The following SPAG16 variants were observed in gnomAD, a reference collection of about 807,000 sequenced individuals.
The protein encoded by SPAG16 is sperm-associated antigen 16 protein.
In SPAG16, 86 loss-of-function variants were observed where a neutral mutation model predicts 80.4. The ratio of observed to expected loss-of-function variants is 1.07; its 90% CI spans 0.90 to 1.28. The LOEUF is 1.28. Ranked by LOEUF, SPAG16 falls within the 50% of genes most tolerant of loss-of-function variation. The pLI is 0.00. For synonymous variants in SPAG16, 294 were observed against 265.9 expected, an observed-to-expected ratio of 1.11 and a Z score of -1.03; for missense variants, 870 against 765.3, an observed-to-expected ratio of 1.14 and a Z score of -1.61.
chr2:213,465,586 A>C (rs1331833711), intron 9 of SPAG16, among the ~76,000 whole-genome samples: 1 of 152,190 alleles, frequency 6.6e-6, no homozygotes, highest in Admixed American at 6.5e-5. Flanking sequence ...CTCCAATAGC[A>C]GAGCTTGATA....
At chr2:213,331,050 C>T (rs1468463748) in intron 5 of SPAG16, among the ~76,000 whole-genome samples, 2 of 152,200 alleles carry the variant, frequency 1.3e-5, no homozygotes, top group Non-Finnish European at 2.9e-5. Context: ...TCAAGTATGT[C>T]TATGCACAGT....
rs150697449 is a variant in SPAG16 at position 214,045,558 on chromosome 2, C to T, written c.1527+31481C>T. Among the ~76,000 whole-genome samples the T allele has an allele frequency of 2.1e-3, 319 of 152,228 alleles. 1 individual carries two copies. The highest frequency in any genetic ancestry group is 7.3e-3 in the African/African-American group (303 of 41,560). ...CTTTCACCTTAGATATCACCTCATC[C>T]CTGGGGGTTAGAGCACCAAGCAGGC... is the stretch of plus-strand genomic sequence containing the variant. On this transcript the variant is annotated intron_variant, in intron 13 of 15. Coordinates refer to ENST00000331683, the MANE Select transcript of SPAG16 (RefSeq NM_024532.5).
chr2:213,391,856 T>G (rs926997143), intron 9 of SPAG16, among the ~76,000 whole-genome samples: 8 of 152,222 alleles, frequency 5.3e-5, no homozygotes, highest in Admixed American at 6.5e-5. Context: ...GAGTATAGTT[T>G]CCCTGTTTCA....
At chr2:213,326,374 T>C (rs754600258) in intron 5 of SPAG16, among the ~76,000 whole-genome samples, 10 of 152,026 alleles carry the variant, frequency 6.6e-5, no homozygotes, top group Non-Finnish European at 1.0e-4. Context: ...TTTAGTTTTA[T>C]GACTTTCAGA....
Position 213,869,291 on chromosome 2 carries a change from A to ATATATATATATGTG in SPAG16, c.1214+6664_1214+6665insATATATATATGTGT, listed in dbSNP as rs1449042675. ...TATATATATATATATGTATATATAT[A>ATATATATATATGTG]TGTATATATATATATAATATGTATA... On this transcript the variant is annotated intron_variant, in intron 11 of 15. Coordinates refer to ENST00000331683, the MANE Select transcript of SPAG16 (RefSeq NM_024532.5). Among the ~76,000 whole-genome samples the ATATATATATATGTG allele has an allele frequency of 1.7e-4, 21 of 123,252 alleles. No individual in the cohort carries two copies. The South Asian group carries it at 2.1e-3, about 12-fold the overall frequency. The allele number at this position is 123,252 out of a possible 152,430, so 80.9% of individuals were successfully genotyped here. A position where few individuals can be genotyped will look rare whatever the true frequency, so the allele number is the denominator to read the frequency against.
intron 11 of SPAG16, among the ~76,000 whole-genome samples, chr2:213,907,829 A>G (rs1355983335): frequency 1.3e-5 from 2 of 152,200 alleles, no homozygotes; most frequent in African/African-American, 2.4e-5. Context: ...AACGTTGAGC[A>G]CATAGAAATA....
chr2:213,795,396 G>C (rs2070960376), intron 10 of SPAG16, among the ~76,000 whole-genome samples: 1 of 152,268 alleles, frequency 6.6e-6, no homozygotes, highest in South Asian at 2.1e-4. Context: ...ACACTTTTAT[G>C]TCTTCCCATC....
intron 15 of SPAG16, among the ~76,000 whole-genome samples, chr2:214,406,686 A>G (rs192848175): frequency 6.6e-6 from 1 of 152,136 alleles, no homozygotes; most frequent in Non-Finnish European, 1.5e-5. Context: ...ATTAGATTGA[A>G]TCATTTAATA....
chr2:213,880,131 G>A (rs2076289229), intron 11 of SPAG16, among the ~76,000 whole-genome samples: 1 of 152,078 alleles, frequency 6.6e-6, no homozygotes, highest in African/African-American at 2.4e-5. Context: ...CCACAACCTA[G>A]CAATAGCTGT....
intron 10 of SPAG16, among the ~76,000 whole-genome samples, chr2:213,752,773 G>A (rs1026335750): frequency 1.3e-5 from 2 of 152,144 alleles, no homozygotes; most frequent in South Asian, 4.1e-4. Flanking sequence ...CTTTTCCGGT[G>A]TGGTGGGGGA....
At chr2:213,488,099 G>A (rs758573477) in intron 9 of SPAG16, among the ~76,000 whole-genome samples, 1 of 152,062 alleles carries the variant, frequency 6.6e-6, no homozygotes, top group Non-Finnish European at 1.5e-5. Context: ...TAGAATGTAA[G>A]CTCCATAAGG....
At chr2:213,944,821 A>G (rs1013187912) in intron 12 of SPAG16, among the ~76,000 whole-genome samples, 2 of 152,064 alleles carry the variant, frequency 1.3e-5, no homozygotes, top group Admixed American at 1.3e-4. Context: ...CTTGAATGGG[A>G]GTTGTGCCTT....
At chr2:213,834,183 GCT>G (rs2073956000) in intron 10 of SPAG16, among the ~76,000 whole-genome samples, 1 of 152,138 alleles carries the variant, frequency 6.6e-6, no homozygotes, top group Non-Finnish European at 1.5e-5. Flanking sequence ...GCCATGTGCA[GCT>G]GTAAGTCCAA....
intron 9 of SPAG16, among the ~76,000 whole-genome samples, chr2:213,400,562 A>G (rs2068257406): frequency 1.3e-5 from 2 of 152,216 alleles, no homozygotes; most frequent in Admixed American, 1.3e-4. Flanking sequence ...GCTATGGCAG[A>G]GATTTCTAGT....
chr2:213,369,110 A>G (rs2066491761), intron 8 of SPAG16, among the ~76,000 whole-genome samples: 1 of 152,214 alleles, frequency 6.6e-6, no homozygotes, highest in South Asian at 2.1e-4. Context: ...AGAATTGTGT[A>G]TCCAATAAAA....
intron 15 of SPAG16, chr2:214,238,030 C>A: frequency 3.9e-6 from 1 of 259,120 alleles, no homozygotes; most frequent in Non-Finnish European, 7.7e-6. Flanking sequence ...TGAAGAAGTT[C>A]TTATGCTGCA....
chr2:213,408,986 C>T (rs1474550140), intron 9 of SPAG16, among the ~76,000 whole-genome samples: 3 of 151,570 alleles, frequency 2.0e-5, no homozygotes, highest in African/African-American at 7.3e-5. Context: ...CAGTCTAGTC[C>T]ACAGACATGA....
intron 15 of SPAG16, among the ~76,000 whole-genome samples, chr2:214,302,698 G>A (rs1482547176): frequency 1.3e-5 from 2 of 151,424 alleles, no homozygotes; most frequent in Non-Finnish European, 2.9e-5. Flanking sequence ...GGCCAGGCTG[G>A]ACTTGAACTC....
intron 14 of SPAG16, among the ~76,000 whole-genome samples, chr2:214,126,493 A>G (rs1448655053): frequency 6.6e-6 from 1 of 151,666 alleles, no homozygotes; most frequent in Non-Finnish European, 1.5e-5. Context: ...GGTATTGTAA[A>G]CATTATGATG....
Sources: allele counts gnomAD v4.1 joint callset (sites outside exome capture counted in the v4.1 genomes callset), GRCh38; gene constraint gnomAD v4.1.1; transcripts MANE v1.5; gene names NCBI Gene and HGNC (gene_info 2026-07-23, HGNC 2026-07-21).